The following PLB1 variants were observed in gnomAD, a reference collection of about 807,000 sequenced individuals.
PLB1 encodes phospholipase B1, membrane-associated.
PLB1 carries 242 observed loss-of-function variants against 227.4 expected under a neutral mutation model. That is an observed-to-expected ratio of 1.06 (90% CI 0.96 to 1.18). The LOEUF is 1.18. Ranked by LOEUF, PLB1 falls within the 50% of genes most tolerant of loss-of-function variation. PLB1 has a pLI of 0.00. For synonymous variants in PLB1, 757 were observed against 682.2 expected (o/e 1.11, Z -1.71); for missense variants, 1,858 against 1,816.3 (o/e 1.02, Z -0.42).
chr2:28,608,167 A>T (rs950602725), intron 43 of PLB1, among the ~76,000 whole-genome samples: 4 of 152,236 alleles, frequency 2.6e-5, no homozygotes, highest in Non-Finnish European at 4.4e-5. Context: ...AACCAGTAGA[A>T]GCCCAGCCCT....
chr2:28,539,926 A>C (rs1182420226), intron 11 of PLB1, among the ~76,000 whole-genome samples: 9 of 131,488 alleles, frequency 6.8e-5, no homozygotes, highest in African/African-American at 1.2e-4. Flanking sequence ...CCCCCAGGAA[A>C]AGCTTCCCTC....
At chr2:28,630,035 CTG>C (rs1390846047) in intron 53 of PLB1, among the ~76,000 whole-genome samples, 2 of 152,188 alleles carry the variant, frequency 1.3e-5, no homozygotes, top group African/African-American at 4.8e-5. Flanking sequence ...CAGAGTCTGT[CTG>C]TATCGTGTTC....
chr2:28,561,864 C>G (rs927105267), intron 17 of PLB1, among the ~76,000 whole-genome samples: 1 of 152,106 alleles, frequency 6.6e-6, no homozygotes. Context: ...CACTCCAGCC[C>G]AGGTGACACA....
chr2:28,641,364 T>C (rs1326136057), intron 57 of PLB1, among the ~76,000 whole-genome samples: 1 of 152,124 alleles, frequency 6.6e-6, no homozygotes, highest in Non-Finnish European at 1.5e-5. Context: ...TCCCAGCACT[T>C]TGGGAGGCCG....
chr2:28,596,006 T>G (rs1682848942), intron 33 of PLB1: 2 of 152,234 alleles, frequency 1.3e-5, no homozygotes, highest in Admixed American at 1.3e-4. Flanking sequence ...TCCATTGAAA[T>G]AAGTTCGCTT....
chr2:28,526,621 C>T (rs1032494259), intron 6 of PLB1, among the ~76,000 whole-genome samples: 4 of 152,086 alleles, frequency 2.6e-5, no homozygotes, highest in Admixed American at 1.3e-4. Flanking sequence ...GTCAGCCTAG[C>T]GGGATGTTAG....
At position 28,626,153 on chromosome 2, in the gene PLB1, G is replaced by C. The variant is rs1034198566; in HGVS notation, c.3580-275G>C. Among the ~76,000 whole-genome samples the C allele has an allele frequency of 2.6e-5, 4 of 151,964 alleles. No individual in the cohort carries two copies. The East Asian group carries it at 7.7e-4, about 29-fold the overall frequency. On this transcript the variant is annotated intron_variant, in intron 50 of 57. Coordinates refer to ENST00000327757, the MANE Select transcript of PLB1 (RefSeq NM_153021.5). ...TGGGATTACAGGCACCTGCCACCAG[G>C]CCAGGCTAATTTTTGTATTTTTAGT...
intron 1 of PLB1, among the ~76,000 whole-genome samples, chr2:28,512,129 G>A (rs1196649606): frequency 7.6e-6 from 1 of 130,964 alleles, no homozygotes; most frequent in Non-Finnish European, 1.5e-5. Context: ...CATATTACAT[G>A]TATGTTTTTA....
chr2:28,609,266 C>T (rs187250204), intron 43 of PLB1, among the ~76,000 whole-genome samples: 1 of 152,240 alleles, frequency 6.6e-6, no homozygotes, highest in East Asian at 1.9e-4. Flanking sequence ...CTGAGACTTA[C>T]CCATTTCCAG....
At chr2:28,536,645 A>T (rs764133184) in intron 9 of PLB1, among the ~76,000 whole-genome samples, 2 of 152,216 alleles carry the variant, frequency 1.3e-5, no homozygotes, top group African/African-American at 4.8e-5. Context: ...GATAATAGAC[A>T]TTCTTCCAAA....
At chr2:28,599,804 T>C (rs1159954293) in intron 35 of PLB1, among the ~76,000 whole-genome samples, 1 of 150,558 alleles carries the variant, frequency 6.6e-6, no homozygotes, top group South Asian at 2.1e-4. Flanking sequence ...TTAGTAGAGA[T>C]AGGATTTCAC....
In PLB1 at chr2:28,601,970, T is replaced by TG; in HGVS notation, c.2673+12dup. The TG allele has an allele frequency of 1.2e-6, 2 of 1,607,088 alleles. No individual in the cohort carries two copies. The highest frequency in any genetic ancestry group is 1.7e-6 in the Non-Finnish European group (2 of 1,174,026). ...TGGACGTCCTGCATAGAGAGGTGGG[T>TG]GGGGGGCTTCCACAAGCTGGTAACA... On this transcript the variant is annotated splice_region_variant and intron_variant, in intron 38 of 57. Transcript: ENST00000327757.
chr2:28,589,698 C>T lies in PLB1; in HGVS notation c.1944C>T (p.Phe648=). 1 of 1,614,114 alleles carries T rather than the reference C, an allele frequency of 6.2e-7. No individual in the cohort carries two copies. Among genetic ancestry groups the T allele is most frequent in the South Asian group, 1.1e-5 (1 of 91,082 alleles). ...AGGAAGGATTGCCTGACAACTCTTT[C>T]TTCGCTCCTGACTGTTTCCACTTCA... ...KTSEGLPDNS[F]FAPDCFHFSS... Residue 648 remains phenylalanine, a synonymous_variant, in exon 28 of 58, where the codon TTC becomes TTT. Coordinates refer to ENST00000327757, the MANE Select transcript of PLB1 (RefSeq NM_153021.5).
chr2:28,625,244 C>T (rs531196901), intron 50 of PLB1, 136 bp downstream of exon 50: 3 of 812,360 alleles, frequency 3.7e-6, no homozygotes, highest in South Asian at 3.6e-5. Flanking sequence ...GAGAAGCAGT[C>T]CTTACCAAGG....
chr2:28,535,407 G>A (rs1671552365), intron 9 of PLB1, among the ~76,000 whole-genome samples: 1 of 152,172 alleles, frequency 6.6e-6, no homozygotes, highest in South Asian at 2.1e-4. Context: ...TGGCTCCTAG[G>A]CCTGGCTCCT....
At chr2:28,529,672 G>A (rs1024322656) in intron 7 of PLB1, 56 bp from the exon 8 acceptor site, 21 of 1,546,832 alleles carry the variant, frequency 1.4e-5, no homozygotes, top group African/African-American at 1.2e-4. Flanking sequence ...CAAGCTTCCA[G>A]CCCTTAACAA....
intron 14 of PLB1, 30 bp from the exon 15 acceptor site, chr2:28,548,830 C>T (rs181918982): frequency 1.2e-6 from 2 of 1,612,468 alleles, no homozygotes; most frequent in Non-Finnish European, 8.5e-7. Flanking sequence ...CACAAAACTT[C>T]CCTGTTCTAA....
At chr2:28,611,380 C>G (rs1573421170) in intron 43 of PLB1, among the ~76,000 whole-genome samples, 1 of 152,330 alleles carries the variant, frequency 6.6e-6, no homozygotes, top group African/African-American at 2.4e-5. Context: ...CACGGTAGGA[C>G]TGACTCCAGC....
chr2:28,496,091 C>T lies in PLB1; in HGVS notation c.-24C>T, dbSNP rs374638567. 116 of 1,613,296 alleles carry T rather than the reference C, an allele frequency of 7.2e-5. No individual in the cohort carries two copies. Among genetic ancestry groups the T allele is most frequent in the Admixed American group, 8.3e-5 (5 of 59,996 alleles). On this transcript the variant is annotated 5_prime_UTR_variant, in exon 1 of 58. Transcript: ENST00000327757. The stretch of plus-strand genomic sequence containing the variant: ...CTGCTGGAGCAGCTCTTCCAGAGGC[C>T]CGAGTCACCTGGAGCATTCTGGCAT...
Sources: allele counts gnomAD v4.1 joint callset (sites outside exome capture counted in the v4.1 genomes callset), GRCh38; gene constraint gnomAD v4.1.1; transcripts MANE v1.5; gene names NCBI Gene and HGNC (gene_info 2026-07-23, HGNC 2026-07-21).